The following MROH1 variants were observed in gnomAD, a reference collection of about 807,000 sequenced individuals.
The protein encoded by MROH1 is maestro heat-like repeat-containing protein family member 1.
A neutral mutation model predicts 116.5 loss-of-function variants in MROH1; 117 were observed. The observed-to-expected ratio is 1.00, with a 90% CI of 0.86 to 1.17. The LOEUF (loss-of-function observed/expected upper bound fraction) is 1.17, where lower values mean the gene tolerates loss of function less well. Ranked by LOEUF, MROH1 falls within the 50% of genes most tolerant of loss-of-function variation. MROH1 has a pLI of 0.00. For missense variants in MROH1, 1,873 were observed against 1,338.5 expected (o/e 1.40, Z -6.23); for synonymous variants, 921 against 583.9 (o/e 1.58, Z -8.32).
intron 12 of MROH1, among the ~76,000 whole-genome samples, chr8:144,212,766 T>G (rs973392638): frequency 1.3e-5 from 2 of 151,820 alleles, no homozygotes; most frequent in Admixed American, 1.3e-4. Flanking sequence ...ATTTTTGTAT[T>G]TTTTAGTACA....
chr8:144,174,902 A>G (rs967863689), intron 4 of MROH1: 35 of 985,282 alleles, frequency 3.6e-5, no homozygotes, highest in African/African-American at 7.0e-5. Context: ...TGAGCACTCA[A>G]TCACCAGGAC....
rs112832205 is a variant in MROH1, at chr8:144,175,224, G to A, written c.169-4231G>A. Reference sequence around the variant, plus strand: ...GGTATAAATGCCCTGCTGCACCCAAGCTGCCCCTCCCAGCAGCGGGTCCGG... The same window carrying A: ...GGTATAAATGCCCTGCTGCACCCAAACTGCCCCTCCCAGCAGCGGGTCCGG... On this transcript the variant is annotated intron_variant, in intron 4 of 43. Transcript: ENST00000326134. The A allele has an allele frequency of 2.6e-3, 2,382 of 931,232 alleles. 51 individuals carry two copies. In the African/African-American group the frequency reaches 0.038, roughly 15 times the overall value. The allele number at this position is 931,232 out of a possible 1,614,324, so 57.7% of individuals were successfully genotyped here.
At chr8:144,257,295 G>A (rs2129793398) in intron 35 of MROH1, among the ~76,000 whole-genome samples, 1 of 152,326 alleles carries the variant, frequency 6.6e-6, no homozygotes, top group South Asian at 2.1e-4. Flanking sequence ...AGAGAGAGGA[G>A]CCTGGGGACA....
At position 144,250,371 on chromosome 8, in the gene MROH1, C is replaced by G; in HGVS notation, c.3428+5C>G. 2 of 759,970 alleles carry G rather than the reference C, an allele frequency of 2.6e-6. No individual in the cohort carries two copies. The highest frequency in any genetic ancestry group is 4.9e-6 in the Non-Finnish European group (2 of 411,814). 47.1% of individuals were successfully genotyped at this position (759,970 alleles called of 1,614,324 possible). On this transcript the variant is annotated splice_donor_5th_base_variant and intron_variant, in intron 33 of 43. Transcript: ENST00000326134. The stretch of plus-strand genomic sequence containing the variant: ...CAGCCCCTTGCCCTTGGACAGGTAC[C>G]CAGCTCAGACTCCAGGCTTAGGGGT...
At chr8:144,175,799 C>T (rs1416661686) in intron 4 of MROH1, among the ~76,000 whole-genome samples, 1 of 152,176 alleles carries the variant, frequency 6.6e-6, no homozygotes, top group African/African-American at 2.4e-5. Flanking sequence ...GCCTGTAATC[C>T]CAGCACTTTG....
chr8:144,198,108 C>G (rs527387516), intron 10 of MROH1, among the ~76,000 whole-genome samples: 1 of 152,012 alleles, frequency 6.6e-6, no homozygotes, highest in African/African-American at 2.4e-5. Context: ...AACGTAGAGC[C>G]GAGCCCTGGG....
At chr8:144,178,560 C>T (rs924623375) in intron 4 of MROH1, among the ~76,000 whole-genome samples, 4 of 152,206 alleles carry the variant, frequency 2.6e-5, no homozygotes, top group Admixed American at 2.0e-4. Context: ...TGAGCCACCG[C>T]GCCTGTTCGG....
intron 4 of MROH1, among the ~76,000 whole-genome samples, chr8:144,170,204 A>G (rs7839459): frequency 0.97 from 148,451 of 152,296 alleles, 72,453 homozygotes; most frequent in South Asian, 1. Context: ...AGATCTGAGA[A>G]GGACTTTGCT....
chr8:144,259,382 G>A, intron 37 of MROH1, 28 bp downstream of exon 37: 5 of 714,620 alleles, frequency 7.0e-6, no homozygotes, highest in Non-Finnish European at 1.3e-5. Flanking sequence ...CGGATGCTGG[G>A]CACCAAGGTG....
chr8:144,168,547 C>T (rs980741802), intron 4 of MROH1, 107 bp downstream of exon 4: 12 of 1,368,422 alleles, frequency 8.8e-6, no homozygotes, highest in African/African-American at 1.4e-5. Context: ...TCGGGTGTTA[C>T]GCAGGGGTGG....
At chr8:144,171,930 T>G (rs1822552562) in intron 4 of MROH1, among the ~76,000 whole-genome samples, 1 of 152,184 alleles carries the variant, frequency 6.6e-6, no homozygotes, top group African/African-American at 2.4e-5. Flanking sequence ...GAAAGGAGAT[T>G]GGACATACCT....
chr8:144,242,565 AG>A, intron 23 of MROH1, 36 bp from the exon 24 acceptor site: 1 of 780,330 alleles, frequency 1.3e-6, no homozygotes, highest in Non-Finnish European at 2.4e-6. Context: ...GCTGCCGGGG[AG>A]TCACGTCTTA....
At chr8:144,230,193 T>C (rs1459671722) in intron 14 of MROH1, among the ~76,000 whole-genome samples, 4 of 152,150 alleles carry the variant, frequency 2.6e-5, no homozygotes, top group Non-Finnish European at 5.9e-5. Flanking sequence ...GCTTCCAGCT[T>C]TTCTTTTGCA....
chr8:144,238,610 G>A (rs1840439735), intron 14 of MROH1, 146 bp from the exon 15 acceptor site: 9 of 657,636 alleles, frequency 1.4e-5, no homozygotes, highest in Non-Finnish European at 2.5e-5. Context: ...TTAGCGGAGA[G>A]TGCCTTTCCT....
At chr8:144,168,466 A>T (rs768769481) in intron 4 of MROH1, 26 bp downstream of exon 4, 74 of 1,583,284 alleles carry the variant, frequency 4.7e-5, no homozygotes, top group Non-Finnish European at 6.2e-5. Context: ...GGTGGGGATG[A>T]TGTTGTCAGG....
intron 14 of MROH1, among the ~76,000 whole-genome samples, chr8:144,232,731 G>A (rs1380482559): frequency 6.6e-6 from 1 of 151,974 alleles, no homozygotes; most frequent in East Asian, 1.9e-4. Context: ...CTGACCTCGT[G>A]ATCTGCCCAC....
chr8:144,259,719 C>T (rs1844625151), intron 37 of MROH1, among the ~76,000 whole-genome samples, 192 bp from the exon 38 acceptor site: 1 of 152,244 alleles, frequency 6.6e-6, no homozygotes. Context: ...CAGCAGAGCA[C>T]AGCGGGCGTC....
chr8:144,244,063 T>TGCACGCCTTGTGTGTGC (rs1841468216), intron 26 of MROH1, 121 bp downstream of exon 26: 2 of 711,162 alleles, frequency 2.8e-6, no homozygotes, highest in Admixed American at 2.0e-5. Flanking sequence ...CTTGCGTGTG[T>TGCACGCCTTGTGTGTGC]GCACGCCTTG....
At chr8:144,250,487 G>A (rs1376274972) in intron 33 of MROH1, 121 bp downstream of exon 33, 6 of 699,430 alleles carry the variant, frequency 8.6e-6, no homozygotes, top group African/African-American at 5.2e-5. Context: ...TCCCATGGCT[G>A]TAGGCCACGT....
Sources: gnomAD v4.1 joint callset for allele counts (sites outside exome capture counted in the v4.1 genomes callset) on GRCh38, gnomAD v4.1.1 for gene constraint, MANE v1.5 for transcripts, NCBI Gene and HGNC (gene_info 2026-07-23, HGNC 2026-07-21) for gene names.